Variants in AGL observed in about 807,000 individuals in gnomAD.
The protein encoded by AGL is glycogen debranching enzyme.
AGL carries 128 observed loss-of-function variants against 199.3 expected under a neutral mutation model. The ratio of observed to expected loss-of-function variants is 0.64; its 90% confidence interval spans 0.56 to 0.74. The LOEUF (loss-of-function observed/expected upper bound fraction) is 0.74. Among genes scored for constraint, AGL ranks in the 30% least tolerant of loss-of-function variants. The pLI, the probability that AGL is intolerant of heterozygous loss-of-function variation, is 0.00. For synonymous variants in AGL, 584 were observed against 594.7 expected, an observed-to-expected ratio of 0.98 and a Z score of 0.26; for missense variants, 1,809 against 1,820.8, an observed-to-expected ratio of 0.99 and a Z score of 0.12.
At chr1:99,903,557 C>G (rs573878495) in intron 27 of AGL, among the ~76,000 whole-genome samples, 1 of 152,224 alleles carries the variant, frequency 6.6e-6, no homozygotes, top group South Asian at 2.1e-4. Flanking sequence ...TGGGTTGGTT[C>G]CAAGTCTTTG....
In AGL at chr1:99,894,407, A is replaced by G. The variant is rs187774554; in HGVS notation, c.3259+1800A>G. Reference sequence around the variant, plus strand: ...CAGACTCACCTTTGAATCTACCTGTATTCATGTTTCATACAAGGAATTAAA... The same window carrying G: ...CAGACTCACCTTTGAATCTACCTGTGTTCATGTTTCATACAAGGAATTAAA... On this transcript the variant is annotated intron_variant, in intron 24 of 33. Coordinates refer to ENST00000361915, the MANE Select transcript of AGL (RefSeq NM_000642.3). Among the ~76,000 whole-genome samples the G allele has an allele frequency of 1.7e-3, 258 of 152,316 alleles. 1 individual carries two copies. Among genetic ancestry groups the G allele is most frequent in the South Asian group, 2.7e-3 (13 of 4,826 alleles).
intron 5 of AGL, among the ~76,000 whole-genome samples, chr1:99,869,589 A>G (rs1490004382): frequency 1.3e-5 from 2 of 152,218 alleles, no homozygotes; most frequent in Non-Finnish European, 2.9e-5. Flanking sequence ...AAGGGAACAT[A>G]ACAGTATGTC....
intron 2 of AGL, among the ~76,000 whole-genome samples, chr1:99,857,336 C>T (rs1236459027): frequency 6.6e-6 from 1 of 151,796 alleles, no homozygotes; most frequent in Non-Finnish European, 1.5e-5. Context: ...GACTGGGCAG[C>T]CGGGCAGAGG....
intron 25 of AGL, among the ~76,000 whole-genome samples, chr1:99,898,936 T>C (rs1653566406): frequency 6.6e-6 from 1 of 152,172 alleles, no homozygotes; most frequent in Non-Finnish European, 1.5e-5. Context: ...TACAAGATTG[T>C]TCCAGATGGT....
chr1:99,892,513 C>T lies in AGL; in HGVS notation c.3165C>T (p.Ser1055=), dbSNP rs768582770. Residue 1055 remains serine, a synonymous_variant, in exon 24 of 34, where the codon TCC becomes TCT. Coordinates refer to ENST00000361915, the MANE Select transcript of AGL (RefSeq NM_000642.3). The part of the protein sequence containing the change: ...VQLCGVGKFP[S]LPILSPALMD... The stretch of plus-strand genomic sequence containing the variant: ...TGTGTGGAGTAGGAAAATTCCCTTC[C>T]CTGCCAATTCTTTCACCTGCCCTAA... The T allele has an allele frequency of 1.2e-6, 2 of 1,613,602 alleles. No individual in the cohort carries two copies. Among genetic ancestry groups the T allele is most frequent in the Non-Finnish European group, 1.7e-6 (2 of 1,179,708 alleles).
intron 2 of AGL, 94 bp downstream of exon 2, chr1:99,851,218 ATAT>A (rs1648926476): frequency 2.2e-5 from 25 of 1,148,452 alleles, no homozygotes; most frequent in Non-Finnish European, 3.2e-5. Flanking sequence ...TCTAAGATAA[ATAT>A]TATTTCCAAG....
chr1:99,902,847 C>G, intron 27 of AGL, 53 bp downstream of exon 27: 1 of 1,353,634 alleles, frequency 7.4e-7, no homozygotes, highest in Non-Finnish European at 1.1e-6. Flanking sequence ...TGAAATTAAA[C>G]CTTGCAATTG....
chr1:99,874,634 A>C (rs184400307), intron 7 of AGL, 53 bp from the exon 8 acceptor site: 2 of 1,506,854 alleles, frequency 1.3e-6, no homozygotes, highest in Non-Finnish European at 1.8e-6. Flanking sequence ...AGTGACAGTT[A>C]TAATCTCTTT....
At chr1:99,883,640 G>A (rs1014273049) in intron 17 of AGL, among the ~76,000 whole-genome samples, 1 of 152,060 alleles carries the variant, frequency 6.6e-6, no homozygotes, top group Non-Finnish European at 1.5e-5. Context: ...TGTTGTTTAA[G>A]GAAACAGGCA....
intron 2 of AGL, among the ~76,000 whole-genome samples, chr1:99,860,556 ATTTG>A (rs2101081850): frequency 6.6e-6 from 1 of 152,258 alleles, no homozygotes; most frequent in Non-Finnish European, 1.5e-5. Flanking sequence ...TAATGTGCTT[ATTTG>A]TTTTCGCTTA....
At chr1:99,852,584 C>G (rs1399275352) in intron 2 of AGL, 1 of 694,834 alleles carries the variant, frequency 1.4e-6, no homozygotes, top group Admixed American at 2.1e-5. Context: ...CTATGTTGCC[C>G]AGGTTGATAT....
Position 99,880,058 on chromosome 1 carries a change from G to A in AGL, c.1735+12G>A, listed in dbSNP as rs1431442010. 7.4e-6 allele frequency: 12 copies of A among 1,612,952 alleles called. No individual in the cohort carries two copies. Among genetic ancestry groups the A allele is most frequent in the Non-Finnish European group, 9.3e-6 (11 of 1,179,356 alleles). ...TTCCTTAATAAGAGGTAGGCTTGTT[G>A]GAGTGTATTTCCCTCTAAAACTTTA... On this transcript the variant is annotated intron_variant, in intron 13 of 33. Transcript: ENST00000361915.
chr1:99,876,745 A>G (rs1288474948), intron 11 of AGL, 148 bp downstream of exon 11: 2 of 992,412 alleles, frequency 2.0e-6, no homozygotes, highest in East Asian at 5.0e-5. Flanking sequence ...ATACAATTTG[A>G]GAAAGAAAAC....
At chr1:99,890,159 G>T (rs993624925) in intron 21 of AGL, among the ~76,000 whole-genome samples, 5 of 151,976 alleles carry the variant, frequency 3.3e-5, no homozygotes, top group African/African-American at 1.2e-4. Flanking sequence ...TCTATTCTAG[G>T]ACTAAGTCCT....
chr1:99,851,576 T>C (rs1255551050), intron 2 of AGL, among the ~76,000 whole-genome samples: 2 of 152,216 alleles, frequency 1.3e-5, no homozygotes, highest in East Asian at 1.9e-4. Context: ...TAGTAAACTA[T>C]TGTTTATGTA....
At chr1:99,905,087 T>G (rs1570492435) in intron 27 of AGL, among the ~76,000 whole-genome samples, 1 of 152,146 alleles carries the variant, frequency 6.6e-6, no homozygotes, top group South Asian at 2.1e-4. Flanking sequence ...TTTAATAAAT[T>G]CCCGCCAGCA....
Position 99,910,883 on chromosome 1 carries a change from C to T in AGL, c.3836+36C>T, listed in dbSNP as rs1654704652. 3 of 1,595,762 alleles carry T rather than the reference C, an allele frequency of 1.9e-6. No individual in the cohort carries two copies. In the South Asian group the frequency reaches 3.3e-5, roughly 18 times the overall value. On this transcript the variant is annotated intron_variant, in intron 28 of 33. Coordinates refer to ENST00000361915, the MANE Select transcript of AGL (RefSeq NM_000642.3). ...TGTTATAATGCTGTGTAATTATACC[C>T]TTCTTTAAGAAAGCACTTACTTGTG... is the stretch of plus-strand genomic sequence containing the variant.
intron 2 of AGL, among the ~76,000 whole-genome samples, chr1:99,853,867 G>A (rs1255461617): frequency 5.3e-5 from 8 of 152,072 alleles, no homozygotes; most frequent in Non-Finnish European, 1.5e-5. Flanking sequence ...TCCAGCCTGG[G>A]TGACAGAGTG....
intron 26 of AGL, 88 bp downstream of exon 26, chr1:99,900,949 T>A: frequency 8.4e-7 from 1 of 1,183,558 alleles, no homozygotes; most frequent in Non-Finnish European, 1.2e-6. Flanking sequence ...TAAGGGTAAT[T>A]AAGAATCCAA....
Sources: allele counts gnomAD v4.1 joint callset (sites outside exome capture counted in the v4.1 genomes callset), GRCh38; gene constraint gnomAD v4.1.1; transcripts MANE v1.5; gene names NCBI Gene and HGNC (gene_info 2026-07-23, HGNC 2026-07-21).